The following SYNE1 variants were observed in gnomAD, a reference collection of about 807,000 sequenced individuals.
SYNE1 encodes spectrin repeat containing nuclear envelope protein 1.
Under a neutral mutation model 1,111.0 loss-of-function variants are expected in SYNE1, and 616 were observed. The ratio of observed to expected loss-of-function variants is 0.55; its 90% CI spans 0.52 to 0.59. SYNE1 has a LOEUF of 0.59. Ranked by LOEUF, SYNE1 falls within the 20% of genes least tolerant of loss-of-function variation. The pLI, the probability that SYNE1 is intolerant of heterozygous loss-of-function variation, is 0.00. For missense variants in SYNE1, 10,006 were observed against 10,417.0 expected (o/e 0.96, Z 1.72); for synonymous variants, 3,855 against 3,825.8 (o/e 1.01, Z -0.28).
intron 127 of SYNE1, among the ~76,000 whole-genome samples, chr6:152,200,287 G>C (rs2075143602): frequency 6.6e-6 from 1 of 152,076 alleles, no homozygotes; most frequent in Non-Finnish European, 1.5e-5. Flanking sequence ...TCTGAAAAGG[G>C]GCAATAATAA....
Position 152,416,998 on chromosome 6 carries a change from T to C in SYNE1, c.5439A>G (p.Val1813=). Residue 1813 remains valine, a synonymous_variant, in exon 41 of 146, where the codon GTA becomes GTG. Coordinates refer to ENST00000367255, the MANE Select transcript of SYNE1 (RefSeq NM_182961.4). ...TCTGCAATTCGCCCTTTTTGCTCTCTACTTCTGCTGCGTGGTCCTGGAAGG... is the reference window on the plus strand; with the variant it reads ...TCTGCAATTCGCCCTTTTTGCTCTCCACTTCTGCTGCGTGGTCCTGGAAGG... ...LTRHKDHAAE[V]ESKKGELQSL... 6.2e-7 allele frequency: 1 copy of C among 1,614,182 alleles called. No individual in the cohort carries two copies. Among genetic ancestry groups the C allele is most frequent in the Non-Finnish European group, 8.5e-7 (1 of 1,180,042 alleles).
At chr6:152,465,228 G>A (rs749836756) in intron 18 of SYNE1, 30 bp downstream of exon 18, 14 of 1,609,948 alleles carry the variant, frequency 8.7e-6, no homozygotes, top group Admixed American at 6.7e-5. Flanking sequence ...TACATCAAAC[G>A]TCTTTTCTTT....
intron 91 of SYNE1, among the ~76,000 whole-genome samples, chr6:152,307,454 T>C (rs1044515066): frequency 6.6e-6 from 1 of 152,194 alleles, no homozygotes; most frequent in Non-Finnish European, 1.5e-5. Flanking sequence ...ATATTCCATA[T>C]ACTCTATCCT....
At chr6:152,578,557 G>A (rs2099509108) in intron 3 of SYNE1, among the ~76,000 whole-genome samples, 1 of 152,156 alleles carries the variant, frequency 6.6e-6, no homozygotes, top group Non-Finnish European at 1.5e-5. Flanking sequence ...TTGTGCCACT[G>A]CACTATGGCC....
At position 152,402,903 on chromosome 6, in the gene SYNE1, A is replaced by G. The variant is rs573987707; in HGVS notation, c.6825+1310T>C. On this transcript the variant is annotated intron_variant, in intron 46 of 145. Coordinates refer to ENST00000367255, the MANE Select transcript of SYNE1 (RefSeq NM_182961.4). ...GATATCCCCAACACAGGCGGCATGC[A>G]TAAGGACTCTTTATCTTTTTTGCAT... 8.0e-4 allele frequency among the ~76,000 whole-genome samples: 122 copies of G among 152,308 alleles called. 2 individuals are homozygous for G. The highest frequency in any genetic ancestry group is 7.3e-3 in the Admixed American group (112 of 15,302).
At chr6:152,627,276 C>T (rs1372639611) in intron 3 of SYNE1, among the ~76,000 whole-genome samples, 2 of 152,084 alleles carry the variant, frequency 1.3e-5, no homozygotes, top group Non-Finnish European at 2.9e-5. Flanking sequence ...AATATTGAAA[C>T]ATAAATGTAA....
chr6:152,455,566 A>C lies in SYNE1; in HGVS notation c.2752T>G (p.Trp918Gly). The change falls in exon 24 of 146, where the codon TGG (tryptophan) becomes GGG (glycine). Residue 918 changes from tryptophan (W) to glycine (G), a missense_variant. Transcript: ENST00000367255. Reference protein sequence around the residue: ...FQSMVKKTGDWKKHVETNSRL... With the variant: ...FQSMVKKTGDGKKHVETNSRL... ...CTGTTGGTTTCCACATGCTTCTTCC[A>C]ATCTCCAGTTTTCTTTACCATACTC... 1.9e-6 allele frequency: 3 copies of C among 1,614,174 alleles called. No individual in the cohort carries two copies. Among genetic ancestry groups the C allele is most frequent in the Non-Finnish European group, 2.5e-6 (3 of 1,180,020 alleles).
chr6:152,141,066 G>A, intron 139 of SYNE1, 137 bp downstream of exon 139: 1 of 1,280,516 alleles, frequency 7.8e-7, no homozygotes, highest in Non-Finnish European at 1.1e-6. Flanking sequence ...AAAGGAGACT[G>A]TTATAACTTG....
chr6:152,465,760 A>AACACACAC (rs113781129), intron 17 of SYNE1, among the ~76,000 whole-genome samples: 13,404 of 133,092 alleles, frequency 0.1, 766 homozygotes, highest in East Asian at 0.34. Flanking sequence ...CTCTTAGAAG[A>AACACACAC]ACACATACAC....
intron 3 of SYNE1, among the ~76,000 whole-genome samples, chr6:152,540,497 C>A (rs2099264128): frequency 6.6e-6 from 1 of 152,048 alleles, no homozygotes; most frequent in Non-Finnish European, 1.5e-5. Flanking sequence ...ATACATGAAG[C>A]AAAAAAGGAA....
chr6:152,265,368 T>C (rs2092590219), intron 100 of SYNE1, among the ~76,000 whole-genome samples: 1 of 152,164 alleles, frequency 6.6e-6, no homozygotes, highest in African/African-American at 2.4e-5. Flanking sequence ...TCAACATGCA[T>C]ATATCTCAAA....
At chr6:152,629,541 GGGA>G (rs2099693927) in intron 2 of SYNE1, among the ~76,000 whole-genome samples, 7 of 115,992 alleles carry the variant, frequency 6.0e-5, no homozygotes, top group Admixed American at 1.7e-4. Context: ...GGGGGGGAGG[GGGA>G]GGGGAGGAGG....
At chr6:152,207,889 G>A in intron 125 of SYNE1, 83 bp downstream of exon 125, 2 of 1,319,354 alleles carry the variant, frequency 1.5e-6, no homozygotes, top group Non-Finnish European at 2.2e-6. Flanking sequence ...TCACTCTAGA[G>A]TCCTTTTGAA....
intron 33 of SYNE1, 109 bp downstream of exon 33, chr6:152,435,832 T>G (rs1166729669): frequency 7.3e-7 from 1 of 1,362,180 alleles, no homozygotes; most frequent in South Asian, 1.2e-5. Context: ...CATGCTGAAA[T>G]ACACAGACAC....
chr6:152,612,989 A>G (rs1407484989), intron 3 of SYNE1, among the ~76,000 whole-genome samples: 6 of 152,168 alleles, frequency 3.9e-5, no homozygotes, highest in Admixed American at 3.3e-4. Context: ...GTATTGAGGG[A>G]ACATATCTCA....
intron 121 of SYNE1, among the ~76,000 whole-genome samples, chr6:152,216,666 G>T (rs1001789466): frequency 6.6e-6 from 1 of 152,168 alleles, no homozygotes; most frequent in African/African-American, 2.4e-5. Flanking sequence ...TTCCCTAAGA[G>T]CAGTGGGAAA....
chr6:152,441,312 A>G, intron 31 of SYNE1, 42 bp from the exon 32 acceptor site: 1 of 1,574,746 alleles, frequency 6.4e-7, no homozygotes, highest in Non-Finnish European at 8.6e-7. Flanking sequence ...TACAAATGTC[A>G]CACAATACTA....
rs2086610889 is a variant in SYNE1 at position 152,244,557 on chromosome 6, G to A, written c.19672C>T (p.Gln6558Ter). Reference sequence around the variant, plus strand: ...TGCACCTGGAGCTTGGAGAGTTCTTGCATGGACGGCTGCTCGACCTGTAGC... The same window carrying A: ...TGCACCTGGAGCTTGGAGAGTTCTTACATGGACGGCTGCTCGACCTGTAGC... The part of the protein sequence containing the change: ...DKLQVEQPSM[Q>*]ELSKLQDMYD... The change falls in exon 106 of 146, where the codon CAA (glutamine) becomes TAA (stop). Residue 6558 changes from glutamine to a stop codon, truncating the protein, a stop_gained. Coordinates refer to ENST00000367255, the MANE Select transcript of SYNE1 (RefSeq NM_182961.4). LOFTEE classifies it high-confidence loss of function. The A allele has an allele frequency of 6.2e-7, 1 of 1,614,080 alleles. No individual in the cohort carries two copies. Among genetic ancestry groups the A allele is most frequent in the Non-Finnish European group, 8.5e-7 (1 of 1,179,954 alleles).
intron 2 of SYNE1, among the ~76,000 whole-genome samples, chr6:152,634,240 C>A (rs564832018): frequency 1.1e-4 from 16 of 152,362 alleles, no homozygotes; most frequent in African/African-American, 3.8e-4. Flanking sequence ...CAACGTGGCT[C>A]ATTTCTAACC....
Sources: allele counts gnomAD v4.1 joint callset (sites outside exome capture counted in the v4.1 genomes callset), GRCh38; gene constraint gnomAD v4.1.1; transcripts MANE v1.5; gene names NCBI Gene and HGNC (gene_info 2026-07-23, HGNC 2026-07-21).